The following PSEN1 variants were observed in gnomAD, a reference collection of about 807,000 sequenced individuals.
PSEN1 encodes presenilin 1.
In PSEN1, 15 loss-of-function variants were observed where a neutral mutation model predicts 53.5. That is an observed-to-expected ratio of 0.28 (90% CI 0.19 to 0.43). The LOEUF (loss-of-function observed/expected upper bound fraction) is 0.43. PSEN1 is among the 20% of genes least tolerant of loss of function. The pLI is 1.00. For missense variants in PSEN1, 387 were observed against 571.2 expected, an observed-to-expected ratio of 0.68 and a Z score of 3.29; for synonymous variants, 208 against 209.8, an observed-to-expected ratio of 0.99 and a Z score of 0.08.
At chr14:73,183,577 G>T (rs1448733648) in intron 5 of PSEN1, among the ~76,000 whole-genome samples, 2 of 152,142 alleles carry the variant, frequency 1.3e-5, no homozygotes, top group African/African-American at 2.4e-5. Context: ...AACCCTGAGT[G>T]GACACAGCAC....
intron 3 of PSEN1, among the ~76,000 whole-genome samples, chr14:73,167,444 C>T (rs1158932730): frequency 1.3e-5 from 2 of 152,132 alleles, no homozygotes; most frequent in African/African-American, 4.8e-5. Context: ...ATCTGAAACA[C>T]TTCTGGTCCC....
intron 5 of PSEN1, among the ~76,000 whole-genome samples, chr14:73,185,674 C>T (rs929584329): frequency 1.3e-5 from 2 of 152,230 alleles, no homozygotes; most frequent in South Asian, 2.1e-4. Context: ...TTTCTTTTCT[C>T]ATAGTTCCAG....
chr14:73,179,471 G>T (rs1189790266), intron 5 of PSEN1, among the ~76,000 whole-genome samples: 5 of 152,026 alleles, frequency 3.3e-5, no homozygotes, highest in Non-Finnish European at 5.9e-5. Flanking sequence ...CAAAAAATTA[G>T]CCAGGCATGG....
Position 73,148,207 on chromosome 14 carries a change from A to G in PSEN1, c.87+101A>G, listed in dbSNP as rs557581715. ...TGAGGGGGCTAGGCAGGCTTTCTCTACTTTACCACATTTATAATATATTTG... is the reference window on the plus strand; with the variant it reads ...TGAGGGGGCTAGGCAGGCTTTCTCTGCTTTACCACATTTATAATATATTTG... On this transcript the variant is annotated intron_variant, in intron 3 of 11. Coordinates refer to ENST00000324501, the MANE Select transcript of PSEN1 (RefSeq NM_000021.4). 96 of 881,236 alleles carry G rather than the reference A, an allele frequency of 1.1e-4. No homozygotes were observed. The African/African-American group carries it at 1.3e-3, about 12-fold the overall frequency. 54.6% of individuals were successfully genotyped at this position (881,236 alleles called of 1,614,324 possible).
intron 9 of PSEN1, among the ~76,000 whole-genome samples, chr14:73,206,739 A>G (rs1467765599): frequency 6.6e-6 from 1 of 152,164 alleles, no homozygotes; most frequent in Non-Finnish European, 1.5e-5. Context: ...TGAGGTTATG[A>G]TTTTGTTTTT....
At chr14:73,205,865 A>G (rs1186617680) in intron 8 of PSEN1, among the ~76,000 whole-genome samples, 1 of 152,220 alleles carries the variant, frequency 6.6e-6, no homozygotes, top group Non-Finnish European at 1.5e-5. Context: ...GGCACAGAGG[A>G]GGCCTCTTGA....
chr14:73,139,604 AAAAG>A (rs1480903143), intron 1 of PSEN1, among the ~76,000 whole-genome samples: 1 of 152,194 alleles, frequency 6.6e-6, no homozygotes, highest in Non-Finnish European at 1.5e-5. Flanking sequence ...AAGGGGGGCA[AAAAG>A]AAACAGATGA....
chr14:73,157,154 ACT>A, intron 3 of PSEN1, among the ~76,000 whole-genome samples: 1 of 136,100 alleles, frequency 7.3e-6, no homozygotes, highest in East Asian at 2.2e-4. Context: ...AGGGAGTTTC[ACT>A]CTTTTGTTGC....
intron 6 of PSEN1, among the ~76,000 whole-genome samples, chr14:73,188,931 C>T (rs1898615336): frequency 6.6e-6 from 1 of 152,044 alleles, no homozygotes; most frequent in Non-Finnish European, 1.5e-5. Context: ...GCTGGGATTA[C>T]AGGCACCTGC....
intron 8 of PSEN1, among the ~76,000 whole-genome samples, chr14:73,203,256 T>C (rs1206678627): frequency 6.6e-6 from 1 of 152,042 alleles, no homozygotes; most frequent in Non-Finnish European, 1.5e-5. Flanking sequence ...TTTTTTGTAT[T>C]TTTGTATTTT....
At chr14:73,151,895 T>TATATATATATATATATATATATATA (rs1491464395) in intron 3 of PSEN1, among the ~76,000 whole-genome samples, 5 of 10,958 alleles carry the variant, frequency 4.6e-4, no homozygotes, top group African/African-American at 2.7e-3. Flanking sequence ...TATATATATA[T>TATATATATATATATATATATATATA]TTTTTTTTTT....
chr14:73,184,770 G>T (rs1312984951), intron 5 of PSEN1, among the ~76,000 whole-genome samples: 12 of 151,462 alleles, frequency 7.9e-5, no homozygotes, highest in African/African-American at 2.4e-4. Flanking sequence ...CCTCCCGGAC[G>T]GGGTGGCTGC....
intron 8 of PSEN1, among the ~76,000 whole-genome samples, chr14:73,202,673 C>T (rs551352249): frequency 5.3e-5 from 8 of 150,334 alleles, no homozygotes; most frequent in Non-Finnish European, 7.4e-5. Context: ...GGGGTTTCAC[C>T]GTGTTAGCCA....
intron 6 of PSEN1, among the ~76,000 whole-genome samples, chr14:73,190,561 A>G (rs1411799106): frequency 6.6e-6 from 1 of 152,102 alleles, no homozygotes; most frequent in East Asian, 1.9e-4. Flanking sequence ...ACATGTATAG[A>G]CTTTCTGGAA....
chr14:73,185,231 G>A (rs1236367853), intron 5 of PSEN1, among the ~76,000 whole-genome samples: 2 of 152,220 alleles, frequency 1.3e-5, no homozygotes, highest in African/African-American at 4.8e-5. Context: ...TACAATCTCG[G>A]CACTTTGGGA....
chr14:73,176,895 A>G (rs1898062360), intron 5 of PSEN1, among the ~76,000 whole-genome samples: 1 of 152,156 alleles, frequency 6.6e-6, no homozygotes, highest in Non-Finnish European at 1.5e-5. Flanking sequence ...ATTCCTCTCA[A>G]ATTCAGTCCT....
In PSEN1 at chr14:73,208,133, C is replaced by T. The variant is rs537997868; in HGVS notation, c.955+1661C>T. ...GGTCATAGCCCTGGCTTAGGGAACT[C>T]CTGAGTCTGGACTCCCCGAAGGGCC... On this transcript the variant is annotated intron_variant, in intron 9 of 11. Transcript: ENST00000324501. Among the ~76,000 whole-genome samples the T allele has an allele frequency of 9.2e-5, 14 of 152,336 alleles. No homozygotes were observed. The South Asian group carries it at 2.9e-3, about 32-fold the overall frequency.
intron 3 of PSEN1, among the ~76,000 whole-genome samples, chr14:73,151,486 A>G (rs1165360094): frequency 6.6e-6 from 1 of 152,216 alleles, no homozygotes; most frequent in Non-Finnish European, 1.5e-5. Context: ...ATAAGAGAAG[A>G]AAAGCATGGG....
chr14:73,183,966 G>T (rs1202342608), intron 5 of PSEN1, among the ~76,000 whole-genome samples: 9 of 137,696 alleles, frequency 6.5e-5, no homozygotes, highest in South Asian at 2.5e-4. Flanking sequence ...GCGGCTGGCC[G>T]GGCAGAGGGG....
Sources: gnomAD v4.1 joint callset for allele counts (sites outside exome capture counted in the v4.1 genomes callset) on GRCh38, gnomAD v4.1.1 for gene constraint, MANE v1.5 for transcripts, NCBI Gene and HGNC (gene_info 2026-07-23, HGNC 2026-07-21) for gene names.